PHLPP2: variants seen among roughly 807,000 people sequenced by gnomAD.
The protein encoded by PHLPP2 is PH domain and leucine rich repeat protein phosphatase 2.
A neutral mutation model predicts 124.9 loss-of-function variants in PHLPP2; 66 were observed. That is an observed-to-expected ratio of 0.53 (90% CI 0.43 to 0.65). The LOEUF (loss-of-function observed/expected upper bound fraction) is 0.65, where lower values mean the gene tolerates loss of function less well. Ranked by LOEUF, PHLPP2 falls within the 30% of genes least tolerant of loss-of-function variation. The pLI is 0.00. For synonymous variants in PHLPP2, 681 were observed against 624.7 expected (o/e 1.09, Z -1.34); for missense variants, 1,685 against 1,600.4 (o/e 1.05, Z -0.90).
At chr16:71,707,527 T>C (rs2045286047) in intron 2 of PHLPP2, among the ~76,000 whole-genome samples, 1 of 152,144 alleles carries the variant, frequency 6.6e-6, no homozygotes, top group African/African-American at 2.4e-5. Flanking sequence ...CACAGGGGGC[T>C]GGAGACTGAG....
rs140495800 is a variant in PHLPP2 at position 71,649,390 on chromosome 16, C to A, written c.3472G>T (p.Val1158Phe). 2.5e-6 allele frequency: 4 copies of A among 1,614,074 alleles called. No individual in the cohort carries two copies. Among genetic ancestry groups the A allele is most frequent in the Middle Eastern group, 1.7e-4 (1 of 6,058 alleles). Residue 1158 changes from valine to phenylalanine, a missense_variant, in exon 19 of 19, where the codon GTC (valine) becomes TTC (phenylalanine). Coordinates refer to ENST00000568954, the MANE Select transcript of PHLPP2 (RefSeq NM_015020.3). ...DSDDDQPVEG[V>F]ITNGSKVEVE... is the part of the protein sequence containing the mutation. ...TCTACCTTGCTGCCATTGGTTATGA[C>A]CCCCTCAACGGGCTGGTCATCATCA...
chr16:71,681,845 C>A lies in PHLPP2; in HGVS notation c.796G>T (p.Glu266Ter). Residue 266 changes from glutamate (E) to a stop codon, truncating the protein, a stop_gained, in exon 6 of 19, where the codon GAG becomes TAG. Transcript: ENST00000568954. LOFTEE classifies it high-confidence loss of function. ...LSCYSLEEVP[E>*]HLFYSQDITY... ...ATATCTTGACTATAGAAGAGATGCT[C>A]AGGAACCTCCTCGAGGCTGTAACAC... 6.2e-7 allele frequency: 1 copy of A among 1,613,798 alleles called. No homozygotes were observed. Among genetic ancestry groups the A allele is most frequent in the Non-Finnish European group, 8.5e-7 (1 of 1,179,822 alleles).
rs2044762370 is a variant in PHLPP2 at position 71,658,706 on chromosome 16, G to A, written c.2095C>T (p.His699Tyr). 4 of 1,614,052 alleles carry A rather than the reference G, an allele frequency of 2.5e-6. No individual in the cohort carries two copies. The highest frequency in any genetic ancestry group is 1.3e-5 in the African/African-American group (1 of 74,928). ...GGGAAAATGCTGATGTTGTTGGAGT[G>A]TGCAACAAGGGTGTGCAGCCTTTTA... ...NCKRLHTLVA[H>Y]SNNISIFPEI... Residue 699 changes from histidine to tyrosine, a missense_variant, in exon 14 of 19, where the codon CAC becomes TAC. His to Tyr is a moderately conservative substitution (Grantham distance 83). Transcript: ENST00000568954.
chr16:71,672,262 C>A lies in PHLPP2; in HGVS notation c.1532G>T (p.Arg511Leu). 1 of 1,610,938 alleles carries A rather than the reference C, an allele frequency of 6.2e-7. No homozygotes were observed. Among genetic ancestry groups the A allele is most frequent in the Middle Eastern group, 1.7e-4 (1 of 6,054 alleles). Reference sequence around the variant, plus strand: ...CGCCACCCTCATGAAAGACACTCACCGGGAGAGATCCAAGAAAGTGAGCAG... The same window carrying A: ...CGCCACCCTCATGAAAGACACTCACAGGGAGAGATCCAAGAAAGTGAGCAG... ...PSLLTFLDLS[R>L]NLLECVPDWA... The change falls in exon 10 of 19, where the codon CGA becomes CTA. Residue 511 changes from arginine to leucine, a missense_variant and splice_region_variant. Physicochemically the swap from Arg to Leu is moderately radical, Grantham distance 102. Transcript: ENST00000568954.
intron 2 of PHLPP2, among the ~76,000 whole-genome samples, chr16:71,713,350 G>C (rs922835173): frequency 1.3e-5 from 2 of 152,102 alleles, no homozygotes; most frequent in African/African-American, 4.8e-5. Context: ...GAGAAAGTAA[G>C]GAGAAAATAG....
At position 71,676,603 on chromosome 16, in the gene PHLPP2, T is replaced by C. The variant is rs1322491613; in HGVS notation, c.1315A>G (p.Lys439Glu). The change falls in exon 9 of 19, where the codon AAA becomes GAA. Residue 439 changes from lysine to glutamate, a missense_variant. By Grantham distance (56) the Lys-to-Glu change is moderately conservative. Transcript: ENST00000568954. The part of the protein sequence containing the change: ...TMVIENLEGN[K>E]HITHVDLRDN... The stretch of plus-strand genomic sequence containing the variant: ...CGCAGATCCACGTGGGTGATGTGTT[T>C]ATTTCCCTCCAGATTTTCAATAACC... 6.2e-7 allele frequency: 1 copy of C among 1,614,144 alleles called. No individual in the cohort carries two copies. The highest frequency in any genetic ancestry group is 8.5e-7 in the Non-Finnish European group (1 of 1,179,936).
intron 3 of PHLPP2, among the ~76,000 whole-genome samples, chr16:71,691,874 CTGTT>C (rs1431894888): frequency 2.0e-5 from 3 of 151,896 alleles, no homozygotes; most frequent in Non-Finnish European, 2.9e-5. Flanking sequence ...GGCAGGAAGA[CTGTT>C]TGAGCCCAGG....
rs756642820 is a variant in PHLPP2, at chr16:71,719,964, A to ATTTTTTTTTTT, written c.-7+4354_-7+4364dup. On this transcript the variant is annotated intron_variant, in intron 1 of 18. Transcript: ENST00000568954. ...AGGTGCACAACACCATGCCCAGCTA[A>ATTTTTTTTTTT]TTTTTTTTTTTTTTTTTTTTTTTTG... is the stretch of plus-strand genomic sequence containing the variant. Among the ~76,000 whole-genome samples the ATTTTTTTTTTT allele has an allele frequency of 1.7e-3, 88 of 53,246 alleles. 11 individuals are homozygous for ATTTTTTTTTTT. Among genetic ancestry groups the ATTTTTTTTTTT allele is most frequent in the African/African-American group, 6.4e-3 (77 of 11,984 alleles). 34.9% of individuals were successfully genotyped at this position (53,246 alleles called of 152,430 possible). A position where few individuals can be genotyped will look rare whatever the true frequency, so the allele number is the denominator to read the frequency against.
At chr16:71,688,976 G>T (rs1275823040) in intron 4 of PHLPP2, among the ~76,000 whole-genome samples, 1 of 152,096 alleles carries the variant, frequency 6.6e-6, no homozygotes, top group Non-Finnish European at 1.5e-5. Context: ...GTGCTTAATG[G>T]CAGTTATTGT....
rs533901686 is a variant in PHLPP2, at chr16:71,716,650, A to G, written c.-6-1849T>C. On this transcript the variant is annotated intron_variant, in intron 1 of 18. Coordinates refer to ENST00000568954, the MANE Select transcript of PHLPP2 (RefSeq NM_015020.3). ...TTACTCCATGTTTCAATCACCTCCA[A>G]CTACCTGCAGCTCTCCAAACACACC... 4.3e-3 allele frequency among the ~76,000 whole-genome samples: 661 copies of G among 152,130 alleles called. 11 individuals are homozygous for G. The highest frequency in any genetic ancestry group is 0.015 in the African/African-American group (641 of 41,492).
intron 15 of PHLPP2, among the ~76,000 whole-genome samples, 187 bp from the exon 16 acceptor site, chr16:71,656,868 G>C (rs868335153): frequency 6.6e-6 from 1 of 151,474 alleles, no homozygotes; most frequent in African/African-American, 2.4e-5. Context: ...TCCTGCCTCA[G>C]CCTCCTAAGC....
intron 1 of PHLPP2, among the ~76,000 whole-genome samples, chr16:71,721,445 C>CAAAAAT (rs1039584090): frequency 3.9e-5 from 6 of 152,020 alleles, no homozygotes; most frequent in Non-Finnish European, 4.4e-5. Flanking sequence ...CCCATCTCTA[C>CAAAAAT]AAAAATAAAA....
chr16:71,661,761 G>C (rs2044792690), intron 13 of PHLPP2, among the ~76,000 whole-genome samples: 1 of 152,102 alleles, frequency 6.6e-6, no homozygotes, highest in Non-Finnish European at 1.5e-5. Context: ...GATCACTTGA[G>C]GCCAGGAGTT....
At chr16:71,655,057 A>G (rs2044730572) in intron 17 of PHLPP2, 183 bp downstream of exon 17, 3 of 544,072 alleles carry the variant, frequency 5.5e-6, no homozygotes, top group Non-Finnish European at 9.8e-6. Flanking sequence ...TGACCCCCAC[A>G]GGCTTTTGAA....
At chr16:71,653,420 T>C (rs1295757339) in intron 17 of PHLPP2, among the ~76,000 whole-genome samples, 2 of 152,120 alleles carry the variant, frequency 1.3e-5, no homozygotes, top group African/African-American at 4.8e-5. Context: ...CAATAAACTA[T>C]ACTTTAAGCA....
intron 3 of PHLPP2, among the ~76,000 whole-genome samples, chr16:71,693,688 T>C (rs998879577): frequency 6.6e-6 from 1 of 152,184 alleles, no homozygotes; most frequent in African/African-American, 2.4e-5. Context: ...AAATTAACTG[T>C]GATTCATGAA....
intron 6 of PHLPP2, 65 bp from the exon 7 acceptor site, chr16:71,679,600 G>T: frequency 7.6e-7 from 1 of 1,322,856 alleles, no homozygotes; most frequent in Non-Finnish European, 1.1e-6. Flanking sequence ...CTTTACAAGG[G>T]ACATCAACGG....
chr16:71,684,531 T>C lies in PHLPP2; in HGVS notation c.680A>G (p.His227Arg). 6.2e-7 allele frequency: 1 copy of C among 1,613,906 alleles called. No individual in the cohort carries two copies. Among genetic ancestry groups the C allele is most frequent in the Non-Finnish European group, 8.5e-7 (1 of 1,179,962 alleles). ...CTCGGCCAAAGTCTCGAAGCTGACA[T>C]GATAGGTCTGAGCTTGGGCTCCTGC... ...SSAGAQAQTYHVSFETLAEYQ... is the reference protein window; with the variant it reads ...SSAGAQAQTYRVSFETLAEYQ... Residue 227 changes from histidine (H) to arginine (R), a missense_variant, in exon 5 of 19, where the codon CAT (histidine) becomes CGT (arginine). Transcript: ENST00000568954.
At chr16:71,712,798 G>A (rs368487205) in intron 2 of PHLPP2, among the ~76,000 whole-genome samples, 1 of 152,184 alleles carries the variant, frequency 6.6e-6, no homozygotes, top group African/African-American at 2.4e-5. Context: ...AGCTAAAGGT[G>A]TTACTATTAT....
Sources: gnomAD v4.1 joint callset for allele counts (sites outside exome capture counted in the v4.1 genomes callset) on GRCh38, gnomAD v4.1.1 for gene constraint, MANE v1.5 for transcripts, NCBI Gene and HGNC (gene_info 2026-07-23, HGNC 2026-07-21) for gene names.